The following CTBP2 variants were observed in gnomAD, a reference collection of about 807,000 sequenced individuals.
CTBP2 encodes C-terminal-binding protein 2.
Under a neutral mutation model 80.3 loss-of-function variants are expected in CTBP2, and 30 were observed. That is an observed-to-expected ratio of 0.37 (90% CI 0.28 to 0.51). The LOEUF (loss-of-function observed/expected upper bound fraction) is 0.51. CTBP2 is among the 20% of genes least tolerant of loss of function. CTBP2 has a pLI of 0.93. For synonymous variants in CTBP2, 594 were observed against 587.4 expected, an observed-to-expected ratio of 1.01 and a Z score of -0.16; for missense variants, 1,212 against 1,375.3, an observed-to-expected ratio of 0.88 and a Z score of 1.88.
At chr10:125,151,507 T>C (rs1444628614) in intron 1 of CTBP2, among the ~76,000 whole-genome samples, 1 of 152,118 alleles carries the variant, frequency 6.6e-6, no homozygotes, top group Non-Finnish European at 1.5e-5. Flanking sequence ...CCCCAAACAC[T>C]GCCCAGGAGA....
At chr10:125,147,057 C>T (rs1038104480) in intron 1 of CTBP2, among the ~76,000 whole-genome samples, 2 of 152,186 alleles carry the variant, frequency 1.3e-5, no homozygotes, top group Admixed American at 6.5e-5. Flanking sequence ...CCAAGCAAGT[C>T]GACAGCCCTG....
intron 4 of CTBP2, among the ~76,000 whole-genome samples, chr10:124,995,544 C>T (rs544885594): frequency 1.3e-5 from 2 of 152,308 alleles, no homozygotes; most frequent in South Asian, 2.1e-4. Flanking sequence ...GACAAAGATG[C>T]GCATTTCCGA....
intron 1 of CTBP2, among the ~76,000 whole-genome samples, chr10:125,129,303 G>C (rs1037048563): frequency 1.3e-5 from 2 of 152,074 alleles, no homozygotes; most frequent in East Asian, 1.9e-4. Flanking sequence ...TAGGGCTTTG[G>C]GGGGTACGCA....
At chr10:125,086,775 T>C (rs1848050208) in intron 2 of CTBP2, among the ~76,000 whole-genome samples, 1 of 152,158 alleles carries the variant, frequency 6.6e-6, no homozygotes, top group Admixed American at 6.5e-5. Context: ...TTTCTGTTGC[T>C]ATGAGCCACC....
At chr10:125,073,478 T>C (rs1417422052) in intron 2 of CTBP2, among the ~76,000 whole-genome samples, 1 of 152,232 alleles carries the variant, frequency 6.6e-6, no homozygotes. Context: ...TGACCTCAAG[T>C]GATCCGCCCG....
At chr10:125,130,966 C>T (rs551447412) in intron 1 of CTBP2, among the ~76,000 whole-genome samples, 10 of 152,092 alleles carry the variant, frequency 6.6e-5, no homozygotes, top group African/African-American at 1.4e-4. Flanking sequence ...TGTGTTGGCT[C>T]GGCTCTTCCA....
At chr10:125,034,771 CA>C (rs1958670562) in intron 3 of CTBP2, among the ~76,000 whole-genome samples, 1 of 152,128 alleles carries the variant, frequency 6.6e-6, no homozygotes, top group Non-Finnish European at 1.5e-5. Context: ...CTACTCAGAA[CA>C]AAAACAAATA....
chr10:125,026,833 G>T lies in CTBP2; in HGVS notation c.927C>A (p.Ala309=), dbSNP rs774300621. The change falls in exon 1 of 9, where the codon GCC becomes GCA. Residue 309 remains alanine, a synonymous_variant. Coordinates refer to ENST00000309035, the MANE Select transcript of CTBP2 (RefSeq NM_022802.3). The stretch of plus-strand genomic sequence containing the variant: ...GGGAGTCAAAGCCCTGCTGCAGTAG[G>T]GCTCCCAGCGTGGCCTCTGCCAGCC... 35 of 1,613,390 alleles carry T rather than the reference G, an allele frequency of 2.2e-5. No individual in the cohort carries two copies. The highest frequency in any genetic ancestry group is 1.6e-4 in the Middle Eastern group (1 of 6,084).
intron 1 of CTBP2, among the ~76,000 whole-genome samples, chr10:125,136,342 CCT>C (rs374618906): frequency 2.0e-5 from 3 of 152,202 alleles, no homozygotes; most frequent in South Asian, 2.1e-4. Context: ...GACACATCCC[CCT>C]GTCTGGCTCA....
Position 125,026,116 on chromosome 10 carries a change from G to C in CTBP2, c.1644C>G (p.Pro548=). ...GTGCAAGCATGGTGGACACGATGAT[G>C]GGTGCCCCTGTGCGCCGGGCCACCT... Residue 548 remains proline (P), a synonymous_variant, in exon 1 of 9, where the codon CCC becomes CCG. Coordinates refer to ENST00000309035, the MANE Select transcript of CTBP2 (RefSeq NM_022802.3). 6.3e-7 allele frequency: 1 copy of C among 1,586,412 alleles called. No homozygotes were observed. The highest frequency in any genetic ancestry group is 8.6e-7 in the Non-Finnish European group (1 of 1,162,452).
chr10:125,074,303 G>A (rs371630133), intron 2 of CTBP2, among the ~76,000 whole-genome samples: 100 of 152,338 alleles, frequency 6.6e-4, no homozygotes, highest in Middle Eastern at 6.8e-3. Flanking sequence ...CCTGTCTGGT[G>A]CACCATGAAG....
At chr10:125,090,459 A>G (rs1263187610) in intron 2 of CTBP2, among the ~76,000 whole-genome samples, 1 of 148,336 alleles carries the variant, frequency 6.7e-6, no homozygotes, top group African/African-American at 2.6e-5. Context: ...GGTTATTTAA[A>G]AAAAAAAAAA....
chr10:125,096,565 G>A (rs1008086477), intron 2 of CTBP2, among the ~76,000 whole-genome samples: 12 of 152,098 alleles, frequency 7.9e-5, no homozygotes, highest in African/African-American at 2.9e-4. Flanking sequence ...GAGAATGCAG[G>A]TTATAGCACG....
intron 2 of CTBP2, among the ~76,000 whole-genome samples, chr10:125,098,449 C>T (rs1341045778): frequency 3.9e-5 from 6 of 152,094 alleles, no homozygotes; most frequent in Middle Eastern, 3.4e-3. Flanking sequence ...ATGCGTGGTC[C>T]GTAAGGCATC....
intron 2 of CTBP2, among the ~76,000 whole-genome samples, chr10:125,063,294 AC>A (rs1175175373): frequency 6.6e-6 from 1 of 152,170 alleles, no homozygotes; most frequent in Non-Finnish European, 1.5e-5. Flanking sequence ...GTGGGGAAAA[AC>A]ATCATACTTA....
At chr10:125,058,547 T>C (rs944107839) in intron 2 of CTBP2, among the ~76,000 whole-genome samples, 26 of 152,120 alleles carry the variant, frequency 1.7e-4, no homozygotes, top group Admixed American at 2.6e-4. Flanking sequence ...ATCCCAGCAC[T>C]TTGGGAGGCT....
intron 2 of CTBP2, among the ~76,000 whole-genome samples, chr10:125,064,388 C>T (rs896470611): frequency 1.3e-5 from 2 of 152,186 alleles, no homozygotes; most frequent in African/African-American, 4.8e-5. Flanking sequence ...AAACTCAGGC[C>T]TTCAGAGAAA....
chr10:125,138,068 G>T lies in CTBP2; in HGVS notation c.-206+22251C>A, dbSNP rs1373758378. 2.6e-5 allele frequency: 4 copies of T among 152,336 alleles called. No individual in the cohort carries two copies. In the East Asian group the frequency reaches 5.8e-4, roughly 22 times the overall value. The allele number at this position is 152,336 out of a possible 1,614,324, so 9.4% of individuals were successfully genotyped here. Reference sequence around the variant, plus strand: ...CAGAGATGCTCTTCTAACAACTGCAGCATTAATTCCATCTGGAGCAAATCA... The same window carrying T: ...CAGAGATGCTCTTCTAACAACTGCATCATTAATTCCATCTGGAGCAAATCA... On this transcript the variant is annotated intron_variant, in intron 1 of 10. Coordinates refer to the CTBP2 transcript ENST00000337195.
intron 3 of CTBP2, chr10:124,999,038 TG>T (rs1478557293): frequency 3.4e-4 from 52 of 152,282 alleles, no homozygotes; most frequent in African/African-American, 1.1e-3. Context: ...ACAACAGGGG[TG>T]CAAGTAGGCA....
Sources: allele counts gnomAD v4.1 joint callset (sites outside exome capture counted in the v4.1 genomes callset), GRCh38; gene constraint gnomAD v4.1.1; transcripts MANE v1.5; gene names NCBI Gene and HGNC (gene_info 2026-07-23, HGNC 2026-07-21).